ANKIB1: variants seen among roughly 807,000 people sequenced by gnomAD.
The protein encoded by ANKIB1 is ankyrin repeat and IBR domain containing 1.
In ANKIB1, 43 loss-of-function variants were observed where a neutral mutation model predicts 122.1. That is an observed-to-expected ratio of 0.35 (90% CI 0.28 to 0.45). The LOEUF is 0.45. ANKIB1 is among the 20% of genes least tolerant of loss of function. ANKIB1 has a pLI of 1.00. For synonymous variants in ANKIB1, 390 were observed against 442.0 expected (o/e 0.88, Z 1.48); for missense variants, 992 against 1,329.5 (o/e 0.75, Z 3.95).
At chr7:92,264,846 A>G (rs1290499363) in intron 1 of ANKIB1, among the ~76,000 whole-genome samples, 2 of 152,040 alleles carry the variant, frequency 1.3e-5, no homozygotes, top group African/African-American at 2.4e-5. Flanking sequence ...CAAACACTAA[A>G]CATATAAATA....
intron 3 of ANKIB1, among the ~76,000 whole-genome samples, chr7:92,311,250 T>A (rs1802685815): frequency 6.6e-6 from 1 of 152,146 alleles, no homozygotes. Flanking sequence ...GAGATTATAG[T>A]ATGGTGGAGG....
At chr7:92,334,066 T>C (rs1803236124) in intron 5 of ANKIB1, among the ~76,000 whole-genome samples, 1 of 152,168 alleles carries the variant, frequency 6.6e-6, no homozygotes, top group African/African-American at 2.4e-5. Context: ...GAAAATTGTT[T>C]GGATGTGCTA....
At chr7:92,321,517 G>C (rs1402858458) in intron 4 of ANKIB1, among the ~76,000 whole-genome samples, 1 of 152,116 alleles carries the variant, frequency 6.6e-6, no homozygotes, top group African/African-American at 2.4e-5. Flanking sequence ...TCAGCAGACT[G>C]TTTTCAGTGT....
At chr7:92,305,728 G>C (rs776722910) in intron 2 of ANKIB1, among the ~76,000 whole-genome samples, 1 of 152,118 alleles carries the variant, frequency 6.6e-6, no homozygotes, top group African/African-American at 2.4e-5. Flanking sequence ...GACCATAAAG[G>C]CTACATGGAG....
chr7:92,396,552 T>G, intron 18 of ANKIB1, 76 bp downstream of exon 18: 1 of 734,214 alleles, frequency 1.4e-6, no homozygotes, highest in South Asian at 1.7e-5. Flanking sequence ...GATGTAAATT[T>G]TTGTGAACGA....
chr7:92,370,508 CAAAAAAAAAAAAAAAAA>C lies in ANKIB1; in HGVS notation c.1487-953_1487-937del, dbSNP rs34318038. ...GGGTGACAGAGCAAGACTCTTGTCT[CAAAAAAAAAAAAAAAAA>C]AAAAAAAAAAAAAAAGTTGGTTAAT... On this transcript the variant is annotated intron_variant, in intron 10 of 19. Transcript: ENST00000265742. 2.0e-3 allele frequency among the ~76,000 whole-genome samples: 65 copies of C among 32,992 alleles called. 1 individual carries two copies. Among genetic ancestry groups the C allele is most frequent in the African/African-American group, 4.3e-3 (56 of 13,066 alleles). The allele number at this position is 32,992 out of a possible 152,430, so 21.6% of individuals were successfully genotyped here.
rs189629771 is a variant in ANKIB1, at chr7:92,397,365, A to C, written c.2396-358A>C. Among the ~76,000 whole-genome samples, 938 of 152,172 alleles carry C rather than the reference A, an allele frequency of 6.2e-3. 5 individuals are homozygous for C. Among genetic ancestry groups the C allele is most frequent in the Non-Finnish European group, 0.012 (783 of 67,980 alleles). On this transcript the variant is annotated intron_variant, in intron 18 of 19. Transcript: ENST00000265742. ...GCCAGGCATGGTGGTGCACATCTGT[A>C]GTCCCAACCACTCGAGAGGCTGAGG...
At chr7:92,345,185 C>A (rs1050644700) in intron 7 of ANKIB1, 119 bp downstream of exon 7, 2 of 680,256 alleles carry the variant, frequency 2.9e-6, no homozygotes, top group Non-Finnish European at 4.9e-6. Context: ...CTGAGTTACA[C>A]AGAAATGAAT....
chr7:92,372,751 TATTA>T (rs1479975562), intron 11 of ANKIB1, among the ~76,000 whole-genome samples: 1 of 152,182 alleles, frequency 6.6e-6, no homozygotes, highest in East Asian at 1.9e-4. Flanking sequence ...AATAACATTT[TATTA>T]ATCCCTACCT....
chr7:92,389,037 C>T (rs541308278), intron 14 of ANKIB1, among the ~76,000 whole-genome samples: 1 of 152,304 alleles, frequency 6.6e-6, no homozygotes, highest in African/African-American at 2.4e-5. Context: ...CTAGTGCTTC[C>T]AGCTGTGCCT....
At chr7:92,392,993 T>C (rs1424168620) in intron 17 of ANKIB1, among the ~76,000 whole-genome samples, 1 of 152,084 alleles carries the variant, frequency 6.6e-6, no homozygotes, top group Non-Finnish European at 1.5e-5. Flanking sequence ...TCAGCAGTTC[T>C]CTCTACTTCT....
chr7:92,300,160 A>T (rs1358392862), intron 2 of ANKIB1, among the ~76,000 whole-genome samples: 2 of 151,966 alleles, frequency 1.3e-5, no homozygotes, highest in East Asian at 1.9e-4. Context: ...TAATATAAGA[A>T]CTGCTGATCT....
chr7:92,249,876 G>A (rs1333824208), intron 1 of ANKIB1, among the ~76,000 whole-genome samples: 2 of 151,826 alleles, frequency 1.3e-5, no homozygotes, highest in African/African-American at 2.4e-5. Flanking sequence ...CCCCCCACAC[G>A]CGAATAAACT....
chr7:92,249,493 G>A (rs1257993046), intron 1 of ANKIB1, among the ~76,000 whole-genome samples: 1 of 152,140 alleles, frequency 6.6e-6, no homozygotes, highest in Non-Finnish European at 1.5e-5. Flanking sequence ...GGCCGAGGTG[G>A]ACAGATCATG....
chr7:92,258,939 GTTTT>G (rs970044142), intron 1 of ANKIB1, among the ~76,000 whole-genome samples: 1 of 151,410 alleles, frequency 6.6e-6, no homozygotes, highest in Non-Finnish European at 1.5e-5. Context: ...GTTTTTTGGA[GTTTT>G]TTTTGTTTTG....
intron 3 of ANKIB1, among the ~76,000 whole-genome samples, chr7:92,315,520 T>C (rs1223767557): frequency 1.3e-5 from 2 of 152,262 alleles, no homozygotes; most frequent in East Asian, 3.9e-4. Flanking sequence ...ATTTGAAGAA[T>C]GCCTGTGTTC....
Position 92,346,001 on chromosome 7 carries a change from C to T in ANKIB1, c.1085+935C>T, listed in dbSNP as rs1803531446. On this transcript the variant is annotated intron_variant, in intron 7 of 19. Transcript: ENST00000265742. ...TATCTATATACAAGCTTGAAACCAT[C>T]ACCACAACCCTTAGAATCTGTCATT... Among the ~76,000 whole-genome samples, 2 of 152,160 alleles carry T rather than the reference C, an allele frequency of 1.3e-5. 1 individual carries two copies. Among genetic ancestry groups the T allele is most frequent in the South Asian group, 4.1e-4 (2 of 4,820 alleles).
At chr7:92,307,808 CTTTTTTTTTTTTTT>C (rs71107855) in intron 3 of ANKIB1, among the ~76,000 whole-genome samples, 152 bp downstream of exon 3, 1 of 47,906 alleles carries the variant, frequency 2.1e-5, no homozygotes, top group African/African-American at 9.2e-5. Flanking sequence ...TAAAGGGCCT[CTTTTTTTTTTTTTT>C]TTTTTTTTTT....
intron 2 of ANKIB1, among the ~76,000 whole-genome samples, chr7:92,298,768 T>TAA (rs34091044): frequency 0.022 from 2,571 of 117,512 alleles, 38 homozygotes; most frequent in African/African-American, 0.026. Context: ...CACTTGCAGT[T>TAA]AAAAAAAAAA....
Sources: gnomAD v4.1 joint callset for allele counts (sites outside exome capture counted in the v4.1 genomes callset) on GRCh38, gnomAD v4.1.1 for gene constraint, MANE v1.5 for transcripts, NCBI Gene and HGNC (gene_info 2026-07-23, HGNC 2026-07-21) for gene names.